The following C4orf50 variants were observed in gnomAD, a reference collection of about 807,000 sequenced individuals.
C4orf50 encodes chromosome 4 open reading frame 50.
In C4orf50, 80 loss-of-function variants were observed where a neutral mutation model predicts 77.2. That is an observed-to-expected ratio of 1.04 (90% CI 0.87 to 1.25). The LOEUF (loss-of-function observed/expected upper bound fraction) is 1.25. C4orf50 is among the 50% of genes most tolerant of loss of function. C4orf50 has a pLI of 0.00. For missense variants in C4orf50, 1,257 were observed against 1,152.9 expected, an observed-to-expected ratio of 1.09 and a Z score of -1.31; for synonymous variants, 532 against 465.3, an observed-to-expected ratio of 1.14 and a Z score of -1.84.
chr4:5,983,901 A>T (rs949113203), intron 28 of C4orf50, among the ~76,000 whole-genome samples: 1 of 152,252 alleles, frequency 6.6e-6, no homozygotes, highest in Non-Finnish European at 1.5e-5. Flanking sequence ...TGGCTGAATC[A>T]CAAGCTATGT....
At chr4:5,943,175 C>A (rs1417735622) in intron 7 of C4orf50, among the ~76,000 whole-genome samples, 1 of 152,170 alleles carries the variant, frequency 6.6e-6, no homozygotes, top group African/African-American at 2.4e-5. Flanking sequence ...CTCACAGAAG[C>A]GGCAGCTGTT....
chr4:5,988,735 G>T, exon 28 of C4orf50: 3 of 1,536,092 alleles, frequency 2.0e-6, no homozygotes, highest in African/African-American at 1.4e-5. Context: ...CCTCTGCAAG[G>T]TGACTTCCCT....
chr4:6,003,999 G>C (rs1722017693), intron 25 of C4orf50, among the ~76,000 whole-genome samples: 1 of 147,200 alleles, frequency 6.8e-6, no homozygotes, highest in African/African-American at 2.5e-5. Flanking sequence ...GGTGATGATG[G>C]TGATGGTGAT....
At chr4:5,910,772 C>A (rs1236554226) in intron 7 of C4orf50, among the ~76,000 whole-genome samples, 3 of 152,092 alleles carry the variant, frequency 2.0e-5, no homozygotes, top group Admixed American at 2.0e-4. Context: ...AAAGTCCCTG[C>A]CCTCAGGTGC....
intron 7 of C4orf50, among the ~76,000 whole-genome samples, chr4:5,920,475 CTTT>C (rs527939516): frequency 3.9e-5 from 5 of 128,948 alleles, no homozygotes; most frequent in African/African-American, 1.4e-4. Context: ...ATAAACATTG[CTTT>C]TTTTTTTTTT....
rs115914122 is a variant in C4orf50 at position 5,979,354 on chromosome 4, C to T, written c.3864+820G>A. On this transcript the variant is annotated intron_variant, in intron 29 of 33. Coordinates refer to ENST00000531445, the Ensembl canonical transcript of C4orf50. ...TGGCCTCATGATGACATAATACACACGATTTTAAAGGAATGAGTTCACTTT... is the reference window on the plus strand; with the variant it reads ...TGGCCTCATGATGACATAATACACATGATTTTAAAGGAATGAGTTCACTTT... 3.3e-3 allele frequency among the ~76,000 whole-genome samples: 506 copies of T among 152,160 alleles called. 2 individuals carry two copies. The highest frequency in any genetic ancestry group is 0.012 in the African/African-American group (483 of 41,518).
chr4:5,993,032 C>CG, intron 26 of C4orf50, 102 bp from the exon 5 acceptor site: 1 of 396,208 alleles, frequency 2.5e-6, no homozygotes. Context: ...AAGATGGCAC[C>CG]CCCCCCACCC....
chr4:5,912,703 G>C (rs556580809), intron 7 of C4orf50, among the ~76,000 whole-genome samples: 1 of 152,360 alleles, frequency 6.6e-6, no homozygotes, highest in African/African-American at 2.4e-5. Flanking sequence ...GAAGCAGGAG[G>C]CAGAGGAGTG....
At chr4:6,013,851 C>T (rs935134562) in intron 23 of C4orf50, among the ~76,000 whole-genome samples, 1 of 152,254 alleles carries the variant, frequency 6.6e-6, no homozygotes, top group Admixed American at 6.5e-5. Flanking sequence ...AGACTGATTC[C>T]GACTTCTGGC....
At chr4:5,959,798 A>G (rs942418216) in intron 33 of C4orf50, among the ~76,000 whole-genome samples, 172 bp from the exon 12 acceptor site, 1 of 152,246 alleles carries the variant, frequency 6.6e-6, no homozygotes, top group Non-Finnish European at 1.5e-5. Context: ...CTTTGGTGAC[A>G]GTTCAGTGAG....
chr4:5,936,070 T>A (rs1264094221), intron 7 of C4orf50, among the ~76,000 whole-genome samples: 2 of 152,062 alleles, frequency 1.3e-5, no homozygotes, highest in Admixed American at 6.6e-5. Flanking sequence ...TTAGGTTATT[T>A]TGGTAGGTAG....
intron 7 of C4orf50, among the ~76,000 whole-genome samples, chr4:5,945,960 G>A (rs1718463401): frequency 6.6e-6 from 1 of 152,160 alleles, no homozygotes; most frequent in Non-Finnish European, 1.5e-5. Context: ...TCAGCCAATG[G>A]GAGGCACAAG....
At position 5,916,245 on chromosome 4, in the gene C4orf50, G is replaced by GT. The variant is rs1717022765; in HGVS notation, c.*2475-18058_*2475-18057insA. Among the ~76,000 whole-genome samples the GT allele has an allele frequency of 6.6e-6, 1 of 152,200 alleles. No homozygotes were observed. The highest frequency in any genetic ancestry group is 2.1e-4 in the South Asian group (1 of 4,818). ...CGCACCAACAGCTCCTGGTTACTCT[G>GT]GGGGGCCCATGCACAGAGAATCATA... is the stretch of plus-strand genomic sequence containing the variant. On this transcript the variant is annotated intron_variant, in intron 7 of 7. Transcript: ENST00000324058. This position sits in a 1 kb window ranked among gnomAD's most constrained non-coding sequence, Gnocchi z 4.4.
At chr4:5,963,144 A>G (rs994005503) in intron 33 of C4orf50, among the ~76,000 whole-genome samples, 1 of 151,836 alleles carries the variant, frequency 6.6e-6, no homozygotes, top group Non-Finnish European at 1.5e-5. Flanking sequence ...GACTACAGGC[A>G]TGTACCACCA....
chr4:5,998,027 T>G (rs2108798760), intron 25 of C4orf50, among the ~76,000 whole-genome samples: 1 of 152,336 alleles, frequency 6.6e-6, no homozygotes, highest in Non-Finnish European at 1.5e-5. Context: ...CTTCTGCACC[T>G]CCAATCACTT....
intron 7 of C4orf50, among the ~76,000 whole-genome samples, chr4:5,909,445 T>C (rs912191473): frequency 6.6e-6 from 1 of 152,254 alleles, no homozygotes; most frequent in Middle Eastern, 3.2e-3. Flanking sequence ...AAATATTTTC[T>C]CTCATTCTAT....
intron 7 of C4orf50, among the ~76,000 whole-genome samples, chr4:5,938,674 A>C (rs906605035): frequency 6.6e-6 from 1 of 152,128 alleles, no homozygotes; most frequent in Non-Finnish European, 1.5e-5. Context: ...TTTATATTTA[A>C]TTTGAACCTG....
intron 7 of C4orf50, among the ~76,000 whole-genome samples, chr4:5,945,836 C>G (rs1156903375): frequency 1.3e-5 from 2 of 152,188 alleles, no homozygotes; most frequent in Non-Finnish European, 2.9e-5. Flanking sequence ...CTCGGCTGCC[C>G]TGCTGGCTGT....
At chr4:5,974,448 C>G (rs1168476098) in intron 30 of C4orf50, among the ~76,000 whole-genome samples, 1 of 116,526 alleles carries the variant, frequency 8.6e-6, no homozygotes, top group Non-Finnish European at 1.9e-5. Context: ...ATTTTACGGG[C>G]GCCAACTCGA....
Sources: gnomAD v4.1 joint callset for allele counts (sites outside exome capture counted in the v4.1 genomes callset) on GRCh38, gnomAD v4.1.1 for gene constraint, Gnocchi (gnomAD v3.1) non-coding constraint, MANE v1.5 for transcripts, NCBI Gene and HGNC (gene_info 2026-07-23, HGNC 2026-07-21) for gene names.